Variants in C1orf21 observed in about 807,000 individuals in gnomAD.
C1orf21 encodes the protein uncharacterized protein C1orf21.
A neutral mutation model predicts 18.7 loss-of-function variants in C1orf21; 3 were observed. The ratio of observed to expected loss-of-function variants is 0.16; its 90% CI spans 0.07 to 0.42. C1orf21 has a LOEUF of 0.42. C1orf21 is among the 10% of genes least tolerant of loss of function. C1orf21 has a pLI of 0.99. For synonymous variants in C1orf21, 41 were observed against 46.4 expected (o/e 0.88, Z 0.47); for missense variants, 104 against 143.6 (o/e 0.72, Z 1.41).
At chr1:184,601,758 G>C (rs146719835) in intron 5 of C1orf21, among the ~76,000 whole-genome samples, 1 of 152,010 alleles carries the variant, frequency 6.6e-6, no homozygotes, top group African/African-American at 2.4e-5. Flanking sequence ...AAAATTAGCC[G>C]GGCGTGGTGG....
chr1:184,558,631 C>G (rs1012437414), intron 3 of C1orf21, among the ~76,000 whole-genome samples: 3 of 152,196 alleles, frequency 2.0e-5, no homozygotes, highest in African/African-American at 7.2e-5. Flanking sequence ...AGGGAACTCT[C>G]GGGTCACCAG....
At chr1:184,397,129 G>C (rs1656062971) in intron 1 of C1orf21, among the ~76,000 whole-genome samples, 2 of 152,192 alleles carry the variant, frequency 1.3e-5, no homozygotes, top group Non-Finnish European at 2.9e-5. Context: ...GGCAAGTGTG[G>C]TGTCTGTCAA....
intron 3 of C1orf21, among the ~76,000 whole-genome samples, chr1:184,528,532 C>T (rs1658410980): frequency 6.6e-6 from 1 of 152,136 alleles, no homozygotes; most frequent in South Asian, 2.1e-4. Flanking sequence ...GCAACCTCTG[C>T]CTCCCAGGTT....
chr1:184,548,577 G>A (rs1658765822), intron 3 of C1orf21, among the ~76,000 whole-genome samples: 6 of 152,038 alleles, frequency 3.9e-5, no homozygotes, highest in Admixed American at 3.3e-4. Flanking sequence ...TAAGCACTTA[G>A]CCAGAATGGG....
chr1:184,438,465 T>G (rs1207020840), intron 1 of C1orf21, among the ~76,000 whole-genome samples: 1 of 152,158 alleles, frequency 6.6e-6, no homozygotes, highest in Non-Finnish European at 1.5e-5. Flanking sequence ...TTCAGCCCCC[T>G]CAAGTTCCAT....
chr1:184,563,986 T>C (rs1658999949), intron 3 of C1orf21, among the ~76,000 whole-genome samples: 1 of 152,228 alleles, frequency 6.6e-6, no homozygotes. Context: ...ATCGTAAGGC[T>C]GTTGTGGTTA....
chr1:184,497,045 T>G (rs4651213), intron 2 of C1orf21, among the ~76,000 whole-genome samples: 91,368 of 152,038 alleles, frequency 0.6, 28,679 homozygotes, highest in African/African-American at 0.8. Flanking sequence ...AGCCTACCTT[T>G]CTTTGGTTGA....
intron 3 of C1orf21, among the ~76,000 whole-genome samples, chr1:184,531,556 T>C (rs900847421): frequency 6.6e-6 from 1 of 152,242 alleles, no homozygotes; most frequent in African/African-American, 2.4e-5. Flanking sequence ...TTTCATGTGA[T>C]GTCCAAGGTT....
chr1:184,399,557 G>C (rs1656117020), intron 1 of C1orf21, among the ~76,000 whole-genome samples: 1 of 151,830 alleles, frequency 6.6e-6, no homozygotes, highest in Admixed American at 6.6e-5. Flanking sequence ...TTTTTGCCAT[G>C]TTGCCCAGGC....
intron 4 of C1orf21, among the ~76,000 whole-genome samples, chr1:184,591,386 A>T (rs1402688080): frequency 6.6e-6 from 1 of 152,230 alleles, no homozygotes; most frequent in Non-Finnish European, 1.5e-5. Context: ...CACTATGACC[A>T]TGAGGTAGGG....
chr1:184,531,005 C>T (rs1658455110), intron 3 of C1orf21, among the ~76,000 whole-genome samples: 2 of 152,142 alleles, frequency 1.3e-5, no homozygotes, highest in Non-Finnish European at 2.9e-5. Context: ...CCTATACTCC[C>T]ACTCTCCTGT....
At chr1:184,431,439 C>G (rs1478129383) in intron 1 of C1orf21, among the ~76,000 whole-genome samples, 1 of 152,094 alleles carries the variant, frequency 6.6e-6, no homozygotes, top group African/African-American at 2.4e-5. Context: ...AAACTGGACC[C>G]CTTCCTTATG....
intron 5 of C1orf21, among the ~76,000 whole-genome samples, chr1:184,610,430 C>T (rs1044847530): frequency 1.3e-5 from 2 of 152,184 alleles, no homozygotes; most frequent in South Asian, 4.1e-4. Flanking sequence ...GCCAAGAGAA[C>T]GTGGTCGTCT....
intron 1 of C1orf21, among the ~76,000 whole-genome samples, chr1:184,459,829 T>C (rs541160732): frequency 6.6e-6 from 1 of 152,178 alleles, no homozygotes; most frequent in Non-Finnish European, 1.5e-5. Flanking sequence ...TGCTTTGAGC[T>C]GAGGCAAGAG....
At chr1:184,427,984 A>G (rs578171242) in intron 1 of C1orf21, among the ~76,000 whole-genome samples, 6 of 152,300 alleles carry the variant, frequency 3.9e-5, no homozygotes, top group African/African-American at 1.4e-4. Context: ...AAACAAGATC[A>G]GGTTGCTCAA....
chr1:184,463,526 A>G (rs560901540), intron 1 of C1orf21, among the ~76,000 whole-genome samples: 1 of 152,264 alleles, frequency 6.6e-6, no homozygotes, highest in East Asian at 1.9e-4. Context: ...TTCTCATCTT[A>G]CACACTTTTG....
rs1659990759 is a variant in C1orf21 at position 184,625,341 on chromosome 1, G to A, written c.*5785G>A. 1 of 152,598 alleles carries A rather than the reference G, an allele frequency of 6.6e-6. No homozygotes were observed. Among genetic ancestry groups the A allele is most frequent in the Non-Finnish European group, 1.5e-5 (1 of 68,040 alleles). 9.5% of individuals were successfully genotyped at this position (152,598 alleles called of 1,614,324 possible). On this transcript the variant is annotated 3_prime_UTR_variant, in exon 6 of 6. Coordinates refer to ENST00000235307, the MANE Select transcript of C1orf21 (RefSeq NM_030806.4). Reference sequence around the variant, plus strand: ...TCTAAAGGGAGAGAATAGCCCCTGTGTCCTGGCATTTCAGTCTAGACCTTC... The same window carrying A: ...TCTAAAGGGAGAGAATAGCCCCTGTATCCTGGCATTTCAGTCTAGACCTTC...
At chr1:184,550,708 C>T (rs191155975) in intron 3 of C1orf21, among the ~76,000 whole-genome samples, 91 of 152,070 alleles carry the variant, frequency 6.0e-4, no homozygotes, top group African/African-American at 2.1e-3. Context: ...CTAATTTTTC[C>T]ATATTTTTTG....
At chr1:184,501,845 G>A (rs554742494) in intron 2 of C1orf21, among the ~76,000 whole-genome samples, 53 of 152,212 alleles carry the variant, frequency 3.5e-4, no homozygotes, top group African/African-American at 1.2e-3. Context: ...GGTGTGATTT[G>A]TGGGAGTTCA....
Sources: allele counts gnomAD v4.1 joint callset (sites outside exome capture counted in the v4.1 genomes callset), GRCh38; gene constraint gnomAD v4.1.1; transcripts MANE v1.5; gene names NCBI Gene and HGNC (gene_info 2026-07-23, HGNC 2026-07-21).